The following SEMA5B variants were observed in gnomAD, a reference collection of about 807,000 sequenced individuals.
SEMA5B encodes the protein semaphorin-5B.
In SEMA5B, 66 loss-of-function variants were observed where a neutral mutation model predicts 135.0. The observed-to-expected ratio is 0.49, with a 90% CI of 0.40 to 0.60. The LOEUF (loss-of-function observed/expected upper bound fraction) is 0.60. SEMA5B is among the 20% of genes least tolerant of loss of function. The pLI, the probability that SEMA5B is intolerant of heterozygous loss-of-function variation, is 0.00. For missense variants in SEMA5B, 1,501 were observed against 1,566.3 expected, an observed-to-expected ratio of 0.96 and a Z score of 0.70; for synonymous variants, 690 against 639.5, an observed-to-expected ratio of 1.08 and a Z score of -1.19.
intron 12 of SEMA5B, among the ~76,000 whole-genome samples, chr3:122,917,208 T>C (rs1237143705): frequency 1.3e-5 from 2 of 152,136 alleles, no homozygotes; most frequent in African/African-American, 4.8e-5. Flanking sequence ...TCCACCCCCT[T>C]CTGAGCCAGT....
intron 2 of SEMA5B, among the ~76,000 whole-genome samples, chr3:122,953,414 C>A (rs1480181236): frequency 1.3e-5 from 2 of 152,334 alleles, no homozygotes; most frequent in African/African-American, 4.8e-5. Flanking sequence ...CTAAGTTCTG[C>A]AGCAGAAGTT....
chr3:122,920,762 C>G (rs1016515871), intron 12 of SEMA5B, among the ~76,000 whole-genome samples: 3 of 152,200 alleles, frequency 2.0e-5, no homozygotes, highest in Admixed American at 6.5e-5. Context: ...TCCTTCCCCC[C>G]ACACCCGACC....
intron 22 of SEMA5B, 72 bp from the exon 23 acceptor site, chr3:122,910,373 G>A (rs1367415440): frequency 2.0e-6 from 3 of 1,516,198 alleles, no homozygotes; most frequent in Middle Eastern, 3.5e-4. Context: ...CCAGAGCAAG[G>A]AGTCCAGAAG....
chr3:122,985,714 T>A (rs1941677014), intron 1 of SEMA5B, among the ~76,000 whole-genome samples: 2 of 151,858 alleles, frequency 1.3e-5, no homozygotes, highest in Admixed American at 6.6e-5. Flanking sequence ...CGGGAGGAGG[T>A]GTGAGCTCGG....
At chr3:122,949,408 AG>A (rs1939949234) in intron 2 of SEMA5B, among the ~76,000 whole-genome samples, 1 of 152,268 alleles carries the variant, frequency 6.6e-6, no homozygotes, top group South Asian at 2.1e-4. Flanking sequence ...AAAGTATGAC[AG>A]TGCAGGAAAT....
At chr3:122,929,645 G>T (rs932281168) in intron 5 of SEMA5B, among the ~76,000 whole-genome samples, 8 of 152,098 alleles carry the variant, frequency 5.3e-5, no homozygotes, top group Non-Finnish European at 1.2e-4. Flanking sequence ...GATTCCAAAG[G>T]TTATGTGTGT....
chr3:122,996,422 C>A (rs1942024888), intron 1 of SEMA5B, among the ~76,000 whole-genome samples: 1 of 152,232 alleles, frequency 6.6e-6, no homozygotes, highest in Non-Finnish European at 1.5e-5. Flanking sequence ...CTCCCCAGCT[C>A]AGCCAAATCA....
At chr3:122,968,661 G>T (rs1940978607) in intron 1 of SEMA5B, among the ~76,000 whole-genome samples, 1 of 152,226 alleles carries the variant, frequency 6.6e-6, no homozygotes, top group East Asian at 1.9e-4. Context: ...TGTCTCTGTG[G>T]GCATCTGAGG....
chr3:122,980,498 G>GT (rs1383139021), intron 1 of SEMA5B, among the ~76,000 whole-genome samples: 4 of 150,896 alleles, frequency 2.7e-5, no homozygotes, highest in Non-Finnish European at 5.9e-5. Context: ...AGCGCTCCCT[G>GT]TTTCAGGGAT....
intron 1 of SEMA5B, among the ~76,000 whole-genome samples, chr3:122,966,468 A>G (rs1940824667): frequency 6.6e-6 from 1 of 152,184 alleles, no homozygotes; most frequent in Non-Finnish European, 1.5e-5. Flanking sequence ...TAAGTGAAAC[A>G]ACCACTCTCA....
Position 122,915,849 on chromosome 3 carries a change from C to G in SEMA5B, c.1730G>C (p.Gly577Ala). ...GAGTGTGCTGCAACGTTGCTGCTTC[C>G]CGTCCCAGCCACAGTACGGGTCCCG... ...GARDPYCGWD[G>A]KQQRCSTLED... The change falls in exon 13 of 23, where the codon GGG becomes GCG. Residue 577 changes from glycine (G) to alanine (A), a missense_variant. Gly to Ala is a moderately conservative substitution (Grantham distance 60). Coordinates refer to ENST00000357599, the MANE Select transcript of SEMA5B (RefSeq NM_001031702.4). 1.9e-6 allele frequency: 3 copies of G among 1,614,014 alleles called. No individual in the cohort carries two copies. Among genetic ancestry groups the G allele is most frequent in the Non-Finnish European group, 2.5e-6 (3 of 1,179,986 alleles).
At chr3:122,919,535 T>A (rs1938248124) in intron 12 of SEMA5B, among the ~76,000 whole-genome samples, 1 of 152,064 alleles carries the variant, frequency 6.6e-6, no homozygotes, top group Non-Finnish European at 1.5e-5. Flanking sequence ...CCCACCCTCA[T>A]CTTCCTGCCA....
At chr3:123,017,121 CCTCTGATCTGCCCGCCTCAGCCTCCCAA>C in intron 1 of SEMA5B, among the ~76,000 whole-genome samples, 1 of 151,828 alleles carries the variant, frequency 6.6e-6, no homozygotes, top group Non-Finnish European at 1.5e-5. Context: ...GATATCCTGA[CCTCTGATCTGCCCGCCTCAGCCTCCCAA>C]AGTGCTGGGA....
chr3:122,926,241 A>G lies in SEMA5B; in HGVS notation c.1136+151T>C, dbSNP rs376579046. Reference sequence around the variant, plus strand: ...TCCCAGCAACCCAGAACACGAGCTTACCGCTCCAGAAGCAGTAAGTCACAA... The same window carrying G: ...TCCCAGCAACCCAGAACACGAGCTTGCCGCTCCAGAAGCAGTAAGTCACAA... On this transcript the variant is annotated intron_variant, in intron 9 of 22. Coordinates refer to ENST00000357599, the MANE Select transcript of SEMA5B (RefSeq NM_001031702.4). 105 of 735,522 alleles carry G rather than the reference A, an allele frequency of 1.4e-4. No homozygotes were observed. The African/African-American group carries it at 1.6e-3, about 11-fold the overall frequency. 45.6% of individuals were successfully genotyped at this position (735,522 alleles called of 1,614,324 possible).
At chr3:123,010,802 C>G (rs1368269352) in intron 1 of SEMA5B, among the ~76,000 whole-genome samples, 1 of 125,538 alleles carries the variant, frequency 8.0e-6, no homozygotes, top group African/African-American at 3.7e-5. Flanking sequence ...GAGTGAGTCT[C>G]CATCTCAAAA....
chr3:123,023,836 T>TC (rs1942743408), intron 1 of SEMA5B, among the ~76,000 whole-genome samples: 1 of 152,238 alleles, frequency 6.6e-6, no homozygotes, highest in Non-Finnish European at 1.5e-5. Flanking sequence ...TACTGTTGTA[T>TC]CCATGGCTCC....
At chr3:122,911,320 G>A in intron 21 of SEMA5B, 171 bp downstream of exon 21, 1 of 1,515,098 alleles carries the variant, frequency 6.6e-7, no homozygotes, top group Middle Eastern at 1.7e-4. Flanking sequence ...CTCCTAGCTG[G>A]GGGGGGCATG....
intron 1 of SEMA5B, among the ~76,000 whole-genome samples, chr3:123,013,101 C>A (rs561030645): frequency 5.3e-5 from 8 of 152,330 alleles, no homozygotes; most frequent in African/African-American, 1.7e-4. Flanking sequence ...GAAAAGAACA[C>A]ACCGGTCAGA....
intron 1 of SEMA5B, among the ~76,000 whole-genome samples, chr3:123,023,268 TATGGAAAG>T (rs1942730202): frequency 2.6e-5 from 4 of 151,988 alleles, no homozygotes; most frequent in Admixed American, 6.6e-5. Flanking sequence ...GGTAAACTCA[TATGGAAAG>T]ATCTGAATGT....
Sources: gnomAD v4.1 joint callset for allele counts (sites outside exome capture counted in the v4.1 genomes callset) on GRCh38, gnomAD v4.1.1 for gene constraint, MANE v1.5 for transcripts, NCBI Gene and HGNC (gene_info 2026-07-23, HGNC 2026-07-21) for gene names.